Variants in UNK observed in about 807,000 individuals in gnomAD.
The protein encoded by UNK is RING finger protein unkempt homolog.
In UNK, 32 loss-of-function variants were observed where a neutral mutation model predicts 97.6. That is an observed-to-expected ratio of 0.33 (90% CI 0.25 to 0.44). UNK has a LOEUF of 0.44. UNK is among the 20% of genes least tolerant of loss of function. The pLI, the probability that UNK is intolerant of heterozygous loss-of-function variation, is 1.00. For synonymous variants in UNK, 441 were observed against 461.2 expected, an observed-to-expected ratio of 0.96 and a Z score of 0.56; for missense variants, 771 against 1,098.4, an observed-to-expected ratio of 0.70 and a Z score of 4.21.
chr17:75,785,980 G>C (rs1402906636), intron 1 of UNK: 1 of 152,240 alleles, frequency 6.6e-6, no homozygotes, highest in Non-Finnish European at 1.5e-5. Flanking sequence ...ACGAAGAACA[G>C]AATCATCTGT....
At chr17:75,822,950 G>T (rs551037487) in intron 14 of UNK, among the ~76,000 whole-genome samples, 5 of 152,304 alleles carry the variant, frequency 3.3e-5, no homozygotes, top group Admixed American at 2.6e-4. Flanking sequence ...CAAGTCCAAG[G>T]TTCTGGGTTC....
chr17:75,818,800 G>T lies in UNK; in HGVS notation c.1530G>T (p.Thr510=). The change falls in exon 11 of 16, where the codon ACG becomes ACT. Residue 510 remains threonine (T), a synonymous_variant. Transcript: ENST00000589666. The surrounding 1 kb of genome is among the most constrained non-coding windows in gnomAD (Gnocchi z 5.1). ...NALPFYPTSD[T]VESVIESALD... Reference sequence around the variant, plus strand: ...TGCCCTTCTACCCCACCAGCGACACGGTAGAGTCAGTCATAGGTAACTAGG... The same window carrying T: ...TGCCCTTCTACCCCACCAGCGACACTGTAGAGTCAGTCATAGGTAACTAGG... 6.2e-7 allele frequency: 1 copy of T among 1,606,970 alleles called. No homozygotes were observed. Among genetic ancestry groups the T allele is most frequent in the Non-Finnish European group, 8.5e-7 (1 of 1,176,204 alleles).
chr17:75,798,862 C>T (rs1010069325), intron 1 of UNK, among the ~76,000 whole-genome samples: 1 of 151,478 alleles, frequency 6.6e-6, no homozygotes, highest in Non-Finnish European at 1.5e-5. Context: ...GTCAGGAGAT[C>T]GAGACCATCC....
At chr17:75,809,489 A>T (rs1022917396) in intron 1 of UNK, among the ~76,000 whole-genome samples, 4 of 152,226 alleles carry the variant, frequency 2.6e-5, no homozygotes, top group African/African-American at 9.6e-5. Context: ...GCTGCTGATT[A>T]ACGCCACAGC....
At chr17:75,810,249 C>T (rs2061956262) in intron 2 of UNK, among the ~76,000 whole-genome samples, 1 of 152,236 alleles carries the variant, frequency 6.6e-6, no homozygotes, top group African/African-American at 2.4e-5. Flanking sequence ...TTTTCATCCT[C>T]CCCTGGGGAT....
intron 15 of UNK, among the ~76,000 whole-genome samples, chr17:75,823,729 C>T (rs369773505): frequency 2.0e-5 from 3 of 152,254 alleles, no homozygotes; most frequent in Admixed American, 6.5e-5. Context: ...TGAGGGGTGT[C>T]GGTGCCACCC....
At chr17:75,811,148 G>A (rs1275722425) in intron 2 of UNK, among the ~76,000 whole-genome samples, 1 of 150,716 alleles carries the variant, frequency 6.6e-6, no homozygotes, top group Non-Finnish European at 1.5e-5. Context: ...ACGGGGTTTT[G>A]CCATGTTGTC....
intron 1 of UNK, among the ~76,000 whole-genome samples, chr17:75,789,080 A>G (rs1055389967): frequency 3.9e-5 from 6 of 152,212 alleles, no homozygotes; most frequent in Non-Finnish European, 8.8e-5. Flanking sequence ...AGGATTATTC[A>G]TAACATAGTT....
At chr17:75,821,400 G>A (rs1268847471) in intron 13 of UNK, 2 of 456,150 alleles carry the variant, frequency 4.4e-6, no homozygotes, top group South Asian at 1.5e-5. Context: ...TCATAGAGGG[G>A]CCTACCTGGA....
At chr17:75,804,433 C>A (rs112433424) in intron 1 of UNK, among the ~76,000 whole-genome samples, 1 of 151,912 alleles carries the variant, frequency 6.6e-6, no homozygotes, top group African/African-American at 2.4e-5. Context: ...CCTGCCTGGG[C>A]GACAGAGTGA....
At chr17:75,804,905 T>C (rs192255663) in intron 1 of UNK, among the ~76,000 whole-genome samples, 5 of 147,014 alleles carry the variant, frequency 3.4e-5, no homozygotes, top group Non-Finnish European at 6.0e-5. Context: ...ATAAAAATTA[T>C]ATTCTTGGCC....
intron 1 of UNK, chr17:75,794,011 G>C: frequency 1.0e-6 from 1 of 985,298 alleles, no homozygotes; most frequent in Non-Finnish European, 1.2e-6. Flanking sequence ...GAGGTGCCAG[G>C]CATCTGGTGA....
At chr17:75,821,492 G>A in intron 13 of UNK, 1 of 438,858 alleles carries the variant, frequency 2.3e-6, no homozygotes. Flanking sequence ...GGTCTCATGT[G>A]GGTGGGGTGA....
At chr17:75,807,448 T>C (rs2061928992) in intron 1 of UNK, among the ~76,000 whole-genome samples, 1 of 152,162 alleles carries the variant, frequency 6.6e-6, no homozygotes, top group African/African-American at 2.4e-5. Flanking sequence ...AATTTATGTA[T>C]TTATGTATTT....
intron 1 of UNK, chr17:75,791,906 C>T: frequency 1.0e-6 from 1 of 985,384 alleles, no homozygotes; most frequent in Non-Finnish European, 1.2e-6. Context: ...ATCTTGGGCA[C>T]ACTCTATAAA....
rs980368863 is a variant in UNK, at chr17:75,817,157, T to A, written c.1105-169T>A. ...TGGCAGGGACAAAGCCTGAGGTCAC[T>A]CCCCTTTCCTTCGTGAGCTTCGGGC... On this transcript the variant is annotated intron_variant, in intron 8 of 15. Coordinates refer to ENST00000589666, the MANE Select transcript of UNK (RefSeq NM_001080419.3). This position sits in a 1 kb window ranked among gnomAD's most constrained non-coding sequence, Gnocchi z 5.8. Among the ~76,000 whole-genome samples the A allele has an allele frequency of 1.3e-5, 2 of 151,280 alleles. No homozygotes were observed. The highest frequency in any genetic ancestry group is 4.8e-5 in the African/African-American group (2 of 41,408).
intron 1 of UNK, among the ~76,000 whole-genome samples, chr17:75,790,482 A>C (rs1379713118): frequency 6.6e-6 from 1 of 151,896 alleles, no homozygotes; most frequent in African/African-American, 2.4e-5. Flanking sequence ...AATTAAAAAA[A>C]CGAGCCTGGT....
rs1219142073 is a variant in UNK, at chr17:75,819,817, A to G, written c.1648+32A>G. The G allele has an allele frequency of 2.5e-6, 4 of 1,612,814 alleles. No homozygotes were observed. The highest frequency in any genetic ancestry group is 3.4e-6 in the Non-Finnish European group (4 of 1,179,304). ...GGTGTGGGTGGGCAGGGCAGCCTGG[A>G]GGACTCCTCGGGTTCCTGCCTGGCT... On this transcript the variant is annotated intron_variant, in intron 12 of 15. Transcript: ENST00000589666. The surrounding 1 kb of genome is among the most constrained non-coding windows in gnomAD (Gnocchi z 5.4).
chr17:75,823,050 C>T (rs2062083434), intron 14 of UNK, among the ~76,000 whole-genome samples: 3 of 152,162 alleles, frequency 2.0e-5, no homozygotes, highest in Admixed American at 6.5e-5. Context: ...CTGTGCTAGG[C>T]CCAGGTCCCT....
Sources: allele counts gnomAD v4.1 joint callset (sites outside exome capture counted in the v4.1 genomes callset), GRCh38; gene constraint gnomAD v4.1.1; non-coding constraint Gnocchi (gnomAD v3.1); transcripts MANE v1.5; gene names NCBI Gene and HGNC (gene_info 2026-07-23, HGNC 2026-07-21).